The following SLC12A1 variants were observed in gnomAD, a reference collection of about 807,000 sequenced individuals.
SLC12A1 encodes solute carrier family 12 member 1, also known as Na-K-2Cl cotransporter.
SLC12A1 carries 89 observed loss-of-function variants against 130.4 expected under a neutral mutation model. The observed-to-expected ratio is 0.68, with a 90% CI of 0.58 to 0.81. SLC12A1 has a LOEUF of 0.81. SLC12A1 is among the 40% of genes least tolerant of loss of function. SLC12A1 has a pLI of 0.00. For synonymous variants in SLC12A1, 499 were observed against 460.0 expected (o/e 1.08, Z -1.09); for missense variants, 1,310 against 1,336.4 (o/e 0.98, Z 0.31).
At chr15:48,284,103 C>T (rs1711779193) in intron 20 of SLC12A1, among the ~76,000 whole-genome samples, 1 of 152,198 alleles carries the variant, frequency 6.6e-6, no homozygotes, top group South Asian at 2.1e-4. Context: ...CTGCTTGACT[C>T]CTGTTCCAGA....
At chr15:48,215,870 G>A (rs1054823000) in intron 2 of SLC12A1, among the ~76,000 whole-genome samples, 1 of 152,114 alleles carries the variant, frequency 6.6e-6, no homozygotes, top group Admixed American at 6.6e-5. Flanking sequence ...ATTCAAGCAC[G>A]GTTAAACACC....
intron 22 of SLC12A1, 30 bp downstream of exon 22, chr15:48,288,204 C>T (rs377028068): frequency 1.3e-6 from 2 of 1,592,838 alleles, no homozygotes; most frequent in African/African-American, 2.7e-5. Context: ...ACACTAGGGA[C>T]AAGAATTTCA....
intron 8 of SLC12A1, among the ~76,000 whole-genome samples, chr15:48,234,381 AC>A (rs2041414872): frequency 6.6e-6 from 1 of 152,206 alleles, no homozygotes; most frequent in South Asian, 2.1e-4. Context: ...ATATATTTTG[AC>A]TTTTGGCAAA....
intron 4 of SLC12A1, chr15:48,221,383 T>C (rs575757842): frequency 4.3e-6 from 3 of 701,576 alleles, no homozygotes; most frequent in Non-Finnish European, 5.2e-6. Flanking sequence ...TGAACAAAAA[T>C]AACTTGTGAG....
intron 1 of SLC12A1, among the ~76,000 whole-genome samples, chr15:48,206,683 G>A (rs892570538): frequency 3.3e-5 from 5 of 152,064 alleles, no homozygotes; most frequent in Admixed American, 6.5e-5. Context: ...ATGAAATTGC[G>A]AAAATTATTG....
intron 2 of SLC12A1, among the ~76,000 whole-genome samples, chr15:48,209,152 C>G (rs1426074461): frequency 1.3e-5 from 2 of 152,302 alleles, no homozygotes; most frequent in Middle Eastern, 3.4e-3. Context: ...ACCTCCACCT[C>G]CTGGGTTCAA....
At chr15:48,276,365 G>T (rs931058246) in intron 20 of SLC12A1, among the ~76,000 whole-genome samples, 2 of 152,154 alleles carry the variant, frequency 1.3e-5, no homozygotes, top group African/African-American at 4.8e-5. Flanking sequence ...TTCATATGTT[G>T]AAGTGCTAAC....
intron 20 of SLC12A1, among the ~76,000 whole-genome samples, chr15:48,284,065 G>T (rs1456825201): frequency 6.6e-6 from 1 of 152,234 alleles, no homozygotes; most frequent in African/African-American, 2.4e-5. Context: ...TGGATAGTGT[G>T]TCTCAACCTT....
intron 24 of SLC12A1, among the ~76,000 whole-genome samples, chr15:48,294,093 T>TA (rs2042148351): frequency 6.7e-6 from 1 of 150,344 alleles, no homozygotes; most frequent in Non-Finnish European, 1.5e-5. Context: ...CTCACGCCTG[T>TA]AATCCCAGCA....
chr15:48,241,677 C>A lies in SLC12A1; in HGVS notation c.1300+78C>A, dbSNP rs1597420285. The stretch of plus-strand genomic sequence containing the variant: ...GTTCACGTCTAGTGAGCTTTCAATG[C>A]AGCATAAATACAGAGTTTTTTAAAA... On this transcript the variant is annotated intron_variant, in intron 10 of 26. Coordinates refer to ENST00000380993, the MANE Select transcript of SLC12A1 (RefSeq NM_000338.3). The A allele has an allele frequency of 3.1e-6, 3 of 979,320 alleles. No individual in the cohort carries two copies. In the East Asian group the frequency reaches 7.2e-5, roughly 23 times the overall value. 60.7% of individuals were successfully genotyped at this position (979,320 alleles called of 1,614,324 possible). A position where few individuals can be genotyped will look rare whatever the true frequency, so the allele number is the denominator to read the frequency against.
rs1364069491 is a variant in SLC12A1, at chr15:48,274,556, T to C, written c.2403-15T>C. 2 of 1,596,482 alleles carry C rather than the reference T, an allele frequency of 1.3e-6. No homozygotes were observed. Among genetic ancestry groups the C allele is most frequent in the African/African-American group, 2.7e-5 (2 of 74,628 alleles). On this transcript the variant is annotated splice_polypyrimidine_tract_variant and intron_variant, in intron 19 of 26. Coordinates refer to ENST00000380993, the MANE Select transcript of SLC12A1 (RefSeq NM_000338.3). The stretch of plus-strand genomic sequence containing the variant: ...GAGCCATTTAAAACGCTGACTGCTT[T>C]GCTTCCTCTTTCAGTGATGCATTTG...
chr15:48,254,940 C>T (rs867172481), intron 15 of SLC12A1, among the ~76,000 whole-genome samples: 8 of 151,582 alleles, frequency 5.3e-5, no homozygotes, highest in African/African-American at 1.9e-4. Flanking sequence ...AAAGAAAAAG[C>T]GGAGGAGGGG....
At chr15:48,227,364 A>G in intron 5 of SLC12A1, 1 of 598,564 alleles carries the variant, frequency 1.7e-6, no homozygotes, top group Non-Finnish European at 3.0e-6. Flanking sequence ...GACATGACCC[A>G]TTTCTTGTAA....
chr15:48,227,148 T>C (rs1567309628), intron 5 of SLC12A1: 1 of 1,551,802 alleles, frequency 6.4e-7, no homozygotes, highest in East Asian at 2.4e-5. Flanking sequence ...ATGTCTGCTA[T>C]TTGCACGAAT....
At chr15:48,250,870 A>G (rs993975616) in intron 14 of SLC12A1, among the ~76,000 whole-genome samples, 1 of 152,212 alleles carries the variant, frequency 6.6e-6, no homozygotes, top group African/African-American at 2.4e-5. Flanking sequence ...CATTAACAAA[A>G]GGTGCCCTTC....
Position 48,302,991 on chromosome 15 carries a change from G to A in SLC12A1, c.*106G>A. On this transcript the variant is annotated 3_prime_UTR_variant, in exon 27 of 27. Transcript: ENST00000380993. ...TGATCTATGGATATGCAAACCTCTG[G>A]AGAGGATCCTACCAGATTCTACATA... 2.3e-6 allele frequency: 2 copies of A among 874,150 alleles called. No homozygotes were observed. Among genetic ancestry groups the A allele is most frequent in the Non-Finnish European group, 3.4e-6 (2 of 584,022 alleles). 54.1% of individuals were successfully genotyped at this position (874,150 alleles called of 1,614,324 possible). A position where few individuals can be genotyped will look rare whatever the true frequency, so the allele number is the denominator to read the frequency against.
At chr15:48,228,907 T>G in intron 5 of SLC12A1, 1 of 268,704 alleles carries the variant, frequency 3.7e-6, no homozygotes, top group South Asian at 1.5e-4. Context: ...AGACAACGCA[T>G]TTTTTGTAAA....
chr15:48,211,728 G>T (rs1038214484), intron 2 of SLC12A1, among the ~76,000 whole-genome samples: 1 of 152,140 alleles, frequency 6.6e-6, no homozygotes, highest in East Asian at 1.9e-4. Context: ...GTAAATTTTG[G>T]TTATAATTTC....
chr15:48,229,133 T>C, intron 5 of SLC12A1, 56 bp from the exon 6 acceptor site: 1 of 1,518,920 alleles, frequency 6.6e-7, no homozygotes, highest in Non-Finnish European at 8.9e-7. Flanking sequence ...TCACAATCGT[T>C]TGGTTATATA....
Sources: gnomAD v4.1 joint callset for allele counts (sites outside exome capture counted in the v4.1 genomes callset) on GRCh38, gnomAD v4.1.1 for gene constraint, MANE v1.5 for transcripts, NCBI Gene and HGNC (gene_info 2026-07-23, HGNC 2026-07-21) for gene names.